The following LAMA1 variants were observed in gnomAD, a reference collection of about 807,000 sequenced individuals.
LAMA1 encodes laminin subunit alpha-1.
Under a neutral mutation model 348.7 loss-of-function variants are expected in LAMA1, and 219 were observed. The ratio of observed to expected loss-of-function variants is 0.63; its 90% CI spans 0.56 to 0.70. LAMA1 has a LOEUF of 0.70. Among genes scored for constraint, LAMA1 ranks in the 30% least tolerant of loss-of-function variants. The pLI is 0.00. For missense variants in LAMA1, 3,744 were observed against 3,888.0 expected (o/e 0.96, Z 0.99); for synonymous variants, 1,487 against 1,491.0 (o/e 1.00, Z 0.06).
intron 20 of LAMA1, among the ~76,000 whole-genome samples, 191 bp downstream of exon 20, chr18:7,017,087 A>G (rs1001179674): frequency 6.6e-6 from 1 of 152,170 alleles, no homozygotes; most frequent in South Asian, 2.1e-4. Flanking sequence ...AAGTTTCCTG[A>G]GGCCTCCCCA....
chr18:6,942,525 T>C (rs1176433120), intron 62 of LAMA1, among the ~76,000 whole-genome samples: 2 of 151,990 alleles, frequency 1.3e-5, no homozygotes, highest in African/African-American at 4.8e-5. Context: ...GTGATTCTCC[T>C]GTCTCAGCCT....
chr18:6,942,711 G>A (rs2057504587), intron 62 of LAMA1, among the ~76,000 whole-genome samples: 1 of 152,056 alleles, frequency 6.6e-6, no homozygotes, highest in African/African-American at 2.4e-5. Context: ...ACCGCACCTG[G>A]CCAAAAACTT....
intron 1 of LAMA1, among the ~76,000 whole-genome samples, chr18:7,093,268 T>C (rs943582745): frequency 1.3e-5 from 2 of 152,012 alleles, no homozygotes; most frequent in Non-Finnish European, 1.5e-5. Context: ...TATAAAAAAT[T>C]AGCCGGGCGG....
intron 37 of LAMA1, 100 bp downstream of exon 37, chr18:6,986,037 C>A: frequency 1.5e-6 from 2 of 1,332,146 alleles, no homozygotes; most frequent in Non-Finnish European, 2.1e-6. Context: ...GGATTACAAG[C>A]GTGAGCCACC....
intron 34 of LAMA1, among the ~76,000 whole-genome samples, chr18:6,994,824 T>C (rs181972824): frequency 2.0e-5 from 3 of 152,210 alleles, no homozygotes; most frequent in Admixed American, 1.3e-4. Flanking sequence ...ACAGAATAAA[T>C]AATTCCCTGA....
At chr18:7,045,087 T>TTA (rs56920161) in intron 6 of LAMA1, among the ~76,000 whole-genome samples, 276 of 152,270 alleles carry the variant, frequency 1.8e-3, no homozygotes, top group African/African-American at 6.3e-3. Flanking sequence ...AAACTTTTTT[T>TTA]AAAAATATAC....
At chr18:7,008,796 C>A (rs541290299) in intron 27 of LAMA1, among the ~76,000 whole-genome samples, 188 bp from the exon 28 acceptor site, 1 of 152,290 alleles carries the variant, frequency 6.6e-6, no homozygotes, top group African/African-American at 2.4e-5. Context: ...ACACTTTAGA[C>A]ATTTTAGAAT....
At chr18:6,994,744 T>C (rs2057773772) in intron 34 of LAMA1, among the ~76,000 whole-genome samples, 1 of 151,420 alleles carries the variant, frequency 6.6e-6, no homozygotes, top group Non-Finnish European at 1.5e-5. Context: ...ACAATAATCC[T>C]TCCTCACCAT....
At chr18:7,071,816 T>C (rs959792560) in intron 3 of LAMA1, among the ~76,000 whole-genome samples, 2 of 152,186 alleles carry the variant, frequency 1.3e-5, no homozygotes, top group East Asian at 3.8e-4. Flanking sequence ...TTAAACTCTC[T>C]AAGTCTCAGT....
intron 11 of LAMA1, chr18:7,038,463 C>T (rs522402): frequency 0.64 from 240,124 of 376,938 alleles, 78,794 homozygotes; most frequent in East Asian, 0.83. Context: ...TCCCCATGGC[C>T]CCACGGCCCT....
At chr18:6,999,323 G>A (rs2057796737) in intron 32 of LAMA1, 122 bp downstream of exon 32, 1 of 990,980 alleles carries the variant, frequency 1.0e-6, no homozygotes, top group Non-Finnish European at 1.5e-6. Context: ...TAGAAAATAA[G>A]AAAATGAAAA....
chr18:7,010,444 T>A, intron 25 of LAMA1, 59 bp from the exon 26 acceptor site: 1 of 1,479,582 alleles, frequency 6.8e-7, no homozygotes, highest in South Asian at 1.1e-5. Context: ...AAAAACATTT[T>A]ATTGCAAGAC....
At chr18:7,067,550 G>T (rs1287575436) in intron 3 of LAMA1, among the ~76,000 whole-genome samples, 2 of 152,076 alleles carry the variant, frequency 1.3e-5, no homozygotes, top group Non-Finnish European at 2.9e-5. Flanking sequence ...GCTGGGAAGG[G>T]GGTGGGGGAG....
chr18:6,947,502 A>G (rs2057527365), intron 60 of LAMA1, among the ~76,000 whole-genome samples: 3 of 152,202 alleles, frequency 2.0e-5, no homozygotes, highest in African/African-American at 7.2e-5. Flanking sequence ...AGACGCATGC[A>G]GTCAGCCAGG....
At position 6,976,074 on chromosome 18, in the gene LAMA1, C is replaced by T; in HGVS notation, c.6352G>A (p.Val2118Ile). The change falls in exon 45 of 63, where the codon GTC becomes ATC. Residue 2118 changes from valine to isoleucine, a missense_variant. Transcript: ENST00000389658. Reference sequence around the variant, plus strand: ...CAATCTCTGTCTGCAGACACGGCGACTTTAATCTGTAGAAGGAAAATGAAA... The same window carrying T: ...CAATCTCTGTCTGCAGACACGGCGATTTTAATCTGTAGAAGGAAAATGAAA... ...QARKQAASIK[V>I]AVSADRDCIR... The T allele has an allele frequency of 6.2e-7, 1 of 1,614,082 alleles. No individual in the cohort carries two copies.
chr18:7,000,661 C>G (rs561518679), intron 30 of LAMA1, among the ~76,000 whole-genome samples: 27 of 152,310 alleles, frequency 1.8e-4, no homozygotes, highest in African/African-American at 5.1e-4. Flanking sequence ...TCTGCCTTCA[C>G]GTTTTAAATT....
intron 3 of LAMA1, among the ~76,000 whole-genome samples, chr18:7,056,093 A>G (rs2058080870): frequency 6.6e-6 from 1 of 151,672 alleles, no homozygotes; most frequent in South Asian, 2.1e-4. Context: ...AAAAAAAAAC[A>G]GAAGTGAAAT....
intron 1 of LAMA1, among the ~76,000 whole-genome samples, chr18:7,090,636 G>A (rs2058236060): frequency 1.3e-5 from 2 of 151,708 alleles, no homozygotes. Context: ...AAAATATGTG[G>A]GTGGTGAGAA....
intron 36 of LAMA1, among the ~76,000 whole-genome samples, chr18:6,987,719 G>A (rs150944117): frequency 3.7e-4 from 56 of 152,142 alleles, no homozygotes; most frequent in African/African-American, 1.3e-3. Flanking sequence ...GTTAAGACAC[G>A]ACCAAAAACA....
Sources: allele counts gnomAD v4.1 joint callset (sites outside exome capture counted in the v4.1 genomes callset), GRCh38; gene constraint gnomAD v4.1.1; transcripts MANE v1.5; gene names NCBI Gene and HGNC (gene_info 2026-07-23, HGNC 2026-07-21).